FBLN1: variants seen among roughly 807,000 people sequenced by gnomAD.
FBLN1 encodes fibulin-1.
Under a neutral mutation model 89.7 loss-of-function variants are expected in FBLN1, and 34 were observed. The observed-to-expected ratio is 0.38, with a 90% confidence interval of 0.29 to 0.50. The LOEUF (loss-of-function observed/expected upper bound fraction) is 0.50. Ranked by LOEUF, FBLN1 falls within the 20% of genes least tolerant of loss-of-function variation. FBLN1 has a pLI of 0.92. For synonymous variants in FBLN1, 393 were observed against 391.3 expected (o/e 1.00, Z -0.05); for missense variants, 777 against 988.1 (o/e 0.79, Z 2.86).
intron 14 of FBLN1, chr22:45,558,208 C>A: frequency 1.5e-6 from 1 of 658,848 alleles, no homozygotes. Flanking sequence ...TGCTCAAGCC[C>A]GATCACGTAT....
rs369714790 is a variant in FBLN1 at position 45,542,140 on chromosome 22, T to C, written c.1067-15T>C. 78 of 1,614,080 alleles carry C rather than the reference T, an allele frequency of 4.8e-5. No individual in the cohort carries two copies. Among genetic ancestry groups the C allele is most frequent in the Non-Finnish European group, 6.5e-5 (77 of 1,180,050 alleles). The stretch of plus-strand genomic sequence containing the variant: ...ACTAAAGGTTTTCATCATGGCTTTC[T>C]TTCTCCTTTGCAAGATGTGGACGAG... On this transcript the variant is annotated splice_polypyrimidine_tract_variant and intron_variant, in intron 9 of 16. Transcript: ENST00000327858.
intron 14 of FBLN1, among the ~76,000 whole-genome samples, chr22:45,571,682 C>G (rs372607920): frequency 5.3e-5 from 8 of 152,088 alleles, no homozygotes; most frequent in East Asian, 1.9e-4. Context: ...ATTAAAAAAC[C>G]ATATGGTCCT....
At chr22:45,506,156 G>T (rs906249534) in intron 1 of FBLN1, among the ~76,000 whole-genome samples, 4 of 152,270 alleles carry the variant, frequency 2.6e-5, no homozygotes, top group African/African-American at 7.2e-5. Flanking sequence ...GCCCTTGGGG[G>T]CTCCCTGGCG....
In FBLN1 at chr22:45,575,795, C is replaced by G. The variant is rs1021654531; in HGVS notation, c.1840+1142C>G. ...GGATGGAGCATTGTCCTGTTCACCT[C>G]GCTTCCTGGCTGTGCTGCCCGTGTG... On this transcript the variant is annotated intron_variant, in intron 15 of 16. Coordinates refer to ENST00000327858, the MANE Select transcript of FBLN1 (RefSeq NM_006486.3). This position sits in a 1 kb window ranked among gnomAD's most constrained non-coding sequence, Gnocchi z 6.3. Among the ~76,000 whole-genome samples the G allele has an allele frequency of 6.6e-6, 1 of 152,300 alleles. No individual in the cohort carries two copies. Among genetic ancestry groups the G allele is most frequent in the Non-Finnish European group, 1.5e-5 (1 of 68,012 alleles).
Position 45,562,512 on chromosome 22 carries a change from C to T in FBLN1, c.1697+11897C>T, listed in dbSNP as rs2088859814. Among the ~76,000 whole-genome samples, 1 of 152,218 alleles carries T rather than the reference C, an allele frequency of 6.6e-6. No individual in the cohort carries two copies. The highest frequency in any genetic ancestry group is 2.4e-5 in the African/African-American group (1 of 41,456). On this transcript the variant is annotated intron_variant, in intron 14 of 16. Transcript: ENST00000327858. The surrounding 1 kb of genome is among the most constrained non-coding windows in gnomAD (Gnocchi z 7.8). ...TCTGATTGCTAGTGGCAGAGATAGTCATTTCATGGGTCACCTCCGAGACAC... is the reference window on the plus strand; with the variant it reads ...TCTGATTGCTAGTGGCAGAGATAGTTATTTCATGGGTCACCTCCGAGACAC...
intron 16 of FBLN1, among the ~76,000 whole-genome samples, chr22:45,585,208 A>G (rs1306717169): frequency 6.6e-6 from 1 of 152,144 alleles, no homozygotes; most frequent in Non-Finnish European, 1.5e-5. Flanking sequence ...CGGTGAGTCT[A>G]TTTGCAGTAC....
rs2071936 is a variant in FBLN1, at chr22:45,533,310, C to T, written c.646+146C>T. ...AGCCCAGGACGCGCTTTCTCGTGTTCGCTGGAGTTTGCAGCGCAGAGGCCC... is the reference window on the plus strand; with the variant it reads ...AGCCCAGGACGCGCTTTCTCGTGTTTGCTGGAGTTTGCAGCGCAGAGGCCC... On this transcript the variant is annotated intron_variant, in intron 6 of 16. Transcript: ENST00000327858. 144,482 of 764,236 alleles carry T rather than the reference C, an allele frequency of 0.19. 15,666 individuals carry two copies. Among genetic ancestry groups the T allele is most frequent in the East Asian group, 0.44 (16,542 of 37,336 alleles). The allele number at this position is 764,236 out of a possible 1,614,324, so 47.3% of individuals were successfully genotyped here.
At chr22:45,552,539 C>T (rs550960450) in intron 14 of FBLN1, among the ~76,000 whole-genome samples, 2 of 152,182 alleles carry the variant, frequency 1.3e-5, no homozygotes, top group Non-Finnish European at 2.9e-5. Context: ...CACGTTTTTT[C>T]ATCTAAGCTT....
At position 45,550,155 on chromosome 22, in the gene FBLN1, G is replaced by T. The variant is rs892896647; in HGVS notation, c.1574-337G>T. On this transcript the variant is annotated intron_variant, in intron 13 of 16. Coordinates refer to ENST00000327858, the MANE Select transcript of FBLN1 (RefSeq NM_006486.3). This position sits in a 1 kb window ranked among gnomAD's most constrained non-coding sequence, Gnocchi z 8.4. ...CTCTGTGAGCTCCTCATAAAATGAG[G>T]ATCATAACAGTATCTGCCTCATTGA... 1.3e-5 allele frequency among the ~76,000 whole-genome samples: 2 copies of T among 152,186 alleles called. No homozygotes were observed. Among genetic ancestry groups the T allele is most frequent in the Non-Finnish European group, 2.9e-5 (2 of 68,028 alleles).
chr22:45,574,088 A>G lies in FBLN1; in HGVS notation c.1698-423A>G, dbSNP rs557631020. Among the ~76,000 whole-genome samples the G allele has an allele frequency of 6.6e-6, 1 of 152,246 alleles. No homozygotes were observed. Among genetic ancestry groups the G allele is most frequent in the South Asian group, 2.1e-4 (1 of 4,814 alleles). ...GTTTATTACCCTGCTGCCCAGCCTC[A>G]CTGTGGGCTCTGAGAAGGCGGGACC... On this transcript the variant is annotated intron_variant, in intron 14 of 16. Transcript: ENST00000327858. This position sits in a 1 kb window ranked among gnomAD's most constrained non-coding sequence, Gnocchi z 4.1.
In FBLN1 at chr22:45,565,099, C is replaced by T. The variant is rs368906056; in HGVS notation, c.1698-9412C>T. The T allele has an allele frequency of 3.6e-5, 58 of 1,592,600 alleles. No individual in the cohort carries two copies. The African/African-American group carries it at 7.6e-4, about 21-fold the overall frequency. ...TTTTCCCCACGGCCCTTGCCACTGT[C>T]TCCTGGCCCTCTCTCTGATCATGCC... is the stretch of plus-strand genomic sequence containing the variant. On this transcript the variant is annotated intron_variant, in intron 14 of 16. Transcript: ENST00000327858.
intron 16 of FBLN1, among the ~76,000 whole-genome samples, chr22:45,585,368 C>T (rs982137615): frequency 2.0e-5 from 3 of 152,216 alleles, no homozygotes; most frequent in Non-Finnish European, 4.4e-5. Flanking sequence ...CAGATCACCT[C>T]GTTAAAATTA....
At position 45,545,105 on chromosome 22, in the gene FBLN1, G is replaced by A. The variant is rs952457269; in HGVS notation, c.1321+1579G>A. Reference sequence around the variant, plus strand: ...GGTCGCAGGGGTTGGATATGCCACAGTGAGCTGTGGTGTGCATGATTCTCA... The same window carrying A: ...GGTCGCAGGGGTTGGATATGCCACAATGAGCTGTGGTGTGCATGATTCTCA... On this transcript the variant is annotated intron_variant, in intron 11 of 16. Coordinates refer to ENST00000327858, the MANE Select transcript of FBLN1 (RefSeq NM_006486.3). This position sits in a 1 kb window ranked among gnomAD's most constrained non-coding sequence, Gnocchi z 5.9. Among the ~76,000 whole-genome samples the A allele has an allele frequency of 2.6e-5, 4 of 152,224 alleles. No individual in the cohort carries two copies. Among genetic ancestry groups the A allele is most frequent in the African/African-American group, 9.6e-5 (4 of 41,454 alleles).
intron 2 of FBLN1, chr22:45,523,312 G>A (rs1006748218): frequency 1.7e-6 from 1 of 586,250 alleles, no homozygotes; most frequent in Non-Finnish European, 3.2e-6. Flanking sequence ...GGGGCCATGA[G>A]ATAGAGGCTG....
At chr22:45,592,803 G>A (rs2146665784) in intron 16 of FBLN1, among the ~76,000 whole-genome samples, 1 of 152,236 alleles carries the variant, frequency 6.6e-6, no homozygotes, top group African/African-American at 2.4e-5. Context: ...TGAGCTCCTG[G>A]CCTCTCTGTT....
In FBLN1 at chr22:45,576,878, T is replaced by C; in HGVS notation, c.1841-99T>C. ...GTTGTCTCATGAAAGGGCCCTGGGT[T>C]AGGTCTTCATTCCCCAAGGGTGAGT... On this transcript the variant is annotated intron_variant, in intron 15 of 16. Transcript: ENST00000327858. This position sits in a 1 kb window ranked among gnomAD's most constrained non-coding sequence, Gnocchi z 5.2. The C allele has an allele frequency of 7.0e-7, 1 of 1,436,958 alleles. No homozygotes were observed. 89.0% of individuals were successfully genotyped at this position (1,436,958 alleles called of 1,614,324 possible).
intron 14 of FBLN1, chr22:45,558,274 G>A (rs1602208324): frequency 2.0e-6 from 1 of 495,300 alleles, no homozygotes; most frequent in East Asian, 3.6e-5. Flanking sequence ...TTTATGGCTA[G>A]ATGGGTCAGA....
intron 14 of FBLN1, chr22:45,565,799 C>T (rs569924890): frequency 1.5e-4 from 23 of 155,672 alleles, no homozygotes; most frequent in African/African-American, 3.4e-4. Flanking sequence ...TGGTGGCTCA[C>T]GCCTGTAATC....
rs2088687837 is a variant in FBLN1, at chr22:45,550,522, A to G, written c.1604A>G (p.Asn535Ser). 1 of 1,614,052 alleles carries G rather than the reference A, an allele frequency of 6.2e-7. No individual in the cohort carries two copies. The highest frequency in any genetic ancestry group is 1.3e-5 in the African/African-American group (1 of 75,026). The change falls in exon 14 of 17, where the codon AAC (asparagine) becomes AGC (serine). Residue 535 changes from asparagine (N) to serine (S), a missense_variant. By Grantham distance (46) the Asn-to-Ser change is conservative (BLOSUM62 1). Transcript: ENST00000327858. This position sits in a 1 kb window ranked among gnomAD's most constrained non-coding sequence, Gnocchi z 8.4. ...DIDECVTGIH[N>S]CSINETCFNI... ...GATGAGTGTGTGACTGGCATCCACA[A>G]CTGCTCCATCAACGAGACCTGCTTC...
Sources: gnomAD v4.1 joint callset for allele counts (sites outside exome capture counted in the v4.1 genomes callset) on GRCh38, gnomAD v4.1.1 for gene constraint, Gnocchi (gnomAD v3.1) non-coding constraint, MANE v1.5 for transcripts, NCBI Gene and HGNC (gene_info 2026-07-23, HGNC 2026-07-21) for gene names.